The following STXBP2 variants were observed in gnomAD, a reference collection of about 807,000 sequenced individuals.
STXBP2 encodes the protein syntaxin binding protein 2.
In STXBP2, 47 loss-of-function variants were observed where a neutral mutation model predicts 72.2. The ratio of observed to expected loss-of-function variants is 0.65; its 90% confidence interval spans 0.51 to 0.83. The LOEUF (loss-of-function observed/expected upper bound fraction) is 0.83. Ranked by LOEUF, STXBP2 falls within the 40% of genes least tolerant of loss-of-function variation. The probability of loss-of-function intolerance (pLI) is 0.00; values close to 1 mark genes in which losing one functional copy is unlikely to be tolerated. For missense variants in STXBP2, 702 were observed against 807.6 expected (o/e 0.87, Z 1.58); for synonymous variants, 367 against 338.7 (o/e 1.08, Z -0.92).
rs1903399659 is a variant in STXBP2 at position 7,642,150 on chromosome 19, G to T, written c.663+32G>T. 6.2e-7 allele frequency: 1 copy of T among 1,614,024 alleles called. No homozygotes were observed. Among genetic ancestry groups the T allele is most frequent in the Non-Finnish European group, 8.5e-7 (1 of 1,179,962 alleles). Reference sequence around the variant, plus strand: ...GGGCGTGCTTGGGAGGTGAGGGGCAGCCCCAACCGGCTCAGGGTCAGTGCC... The same window carrying T: ...GGGCGTGCTTGGGAGGTGAGGGGCATCCCCAACCGGCTCAGGGTCAGTGCC... On this transcript the variant is annotated intron_variant, in intron 8 of 18. Transcript: ENST00000221283. The surrounding 1 kb of genome is among the most constrained non-coding windows in gnomAD (Gnocchi z 6.0).
At chr19:7,632,163 C>T, upstream of STXBP2, 1 of 684,436 alleles carries the variant, frequency 1.5e-6, no homozygotes, top group Non-Finnish European at 2.4e-6. This position sits in a 1 kb window ranked among gnomAD's most constrained non-coding sequence, Gnocchi z 5.2. Flanking sequence ...AACCTTCAGA[C>T]TTGGGGGCAG....
rs775179959 is a variant in STXBP2, at chr19:7,640,949, G to A, written c.375G>A (p.Lys125=). Residue 125 remains lysine (K), a synonymous_variant, in exon 6 of 19, where the codon AAG becomes AAA. Coordinates refer to ENST00000221283, the MANE Select transcript of STXBP2 (RefSeq NM_006949.4). ...AGCTAGGCCGCTCTCGTCTGGCAAAGGTGGTGAAGACGTTGAAGGAGATTC... is the reference window on the plus strand; with the variant it reads ...AGCTAGGCCGCTCTCGTCTGGCAAAAGTGGTGAAGACGTTGAAGGAGATTC... ...FSELGRSRLA[K]VVKTLKEIHL... 3 of 1,614,198 alleles carry A rather than the reference G, an allele frequency of 1.9e-6. No homozygotes were observed. In the South Asian group the frequency reaches 3.3e-5, roughly 18 times the overall value.
At chr19:7,646,132 C>G (rs1168964024) in intron 15 of STXBP2, 117 bp from the exon 16 acceptor site, 11 of 763,196 alleles carry the variant, frequency 1.4e-5, no homozygotes, top group South Asian at 9.5e-5. Context: ...GCTCTCTGTT[C>G]CACTTCCCCA....
At chr19:7,640,192 G>A (rs2031768239) in intron 4 of STXBP2, 4 of 554,036 alleles carry the variant, frequency 7.2e-6, no homozygotes, top group Non-Finnish European at 1.4e-5. Flanking sequence ...GTGTGCATGT[G>A]TGTATGCGTG....
chr19:7,643,847 AGAG>A (rs2032006188), intron 13 of STXBP2, among the ~76,000 whole-genome samples: 2 of 15,954 alleles, frequency 1.3e-4, no homozygotes, highest in African/African-American at 2.6e-4. Flanking sequence ...TGGAGCCTTA[AGAG>A]AGGTGGGACC....
chr19:7,646,851 G>A (rs1599407372), intron 16 of STXBP2: 4 of 513,466 alleles, frequency 7.8e-6, no homozygotes, highest in African/African-American at 5.7e-5. Context: ...AAAGGGCTGG[G>A]GGTATTGACT....
In STXBP2 at chr19:7,640,730, G is replaced by T; in HGVS notation, c.247-1G>T. On this transcript the variant is annotated splice_acceptor_variant, in intron 4 of 18. Coordinates refer to ENST00000221283, the MANE Select transcript of STXBP2 (RefSeq NM_006949.4). LOFTEE classifies it high-confidence loss of function. ...CCCAGAGAGTGATCCACCTTCCCCA[G>T]TCGGTTCAGGCCCTGATCAAAGACT... 4 of 1,614,192 alleles carry T rather than the reference G, an allele frequency of 2.5e-6. No individual in the cohort carries two copies. The highest frequency in any genetic ancestry group is 3.4e-6 in the Non-Finnish European group (4 of 1,180,004).
rs760304466 is a variant in STXBP2 at position 7,642,110 on chromosome 19, C to A, written c.655C>A (p.Leu219Met). The change falls in exon 8 of 19, where the codon CTG becomes ATG. Residue 219 changes from leucine to methionine, a missense_variant. Coordinates refer to ENST00000221283, the MANE Select transcript of STXBP2 (RefSeq NM_006949.4). This position sits in a 1 kb window ranked among gnomAD's most constrained non-coding sequence, Gnocchi z 6.0. ...CGCCTTCAAGGCAGACACTCCCAGT[C>A]TGGGCGAGGTGAGGGGGCGTGCTTG... ...LNAFKADTPS[L>M]GEGPEKTRSQ... 4 of 1,614,142 alleles carry A rather than the reference C, an allele frequency of 2.5e-6. No homozygotes were observed. The highest frequency in any genetic ancestry group is 3.4e-6 in the Non-Finnish European group (4 of 1,180,014).
At chr19:7,643,316 G>C in intron 13 of STXBP2, 71 bp downstream of exon 13, 7 of 1,366,782 alleles carry the variant, frequency 5.1e-6, no homozygotes, top group Non-Finnish European at 7.2e-6. Context: ...GGGCTGAACT[G>C]TAGAGATGGG....
intron 13 of STXBP2, among the ~76,000 whole-genome samples, chr19:7,644,050 T>C (rs377611307): frequency 6.1e-3 from 715 of 117,376 alleles, no homozygotes; most frequent in East Asian, 0.047. Context: ...GGTGGAGCCT[T>C]GGAGAGGTGG....
Position 7,642,406 on chromosome 19 carries a change from C to T in STXBP2, c.795-23C>T. On this transcript the variant is annotated intron_variant, in intron 9 of 18. Coordinates refer to ENST00000221283, the MANE Select transcript of STXBP2 (RefSeq NM_006949.4). The surrounding 1 kb of genome is among the most constrained non-coding windows in gnomAD (Gnocchi z 6.0). ...CCCAGTCCTCAGCTCCCCTGACCCC[C>T]AGGCTCCCTCCTTCCTCCCCAGGTA... The T allele has an allele frequency of 6.2e-7, 1 of 1,613,846 alleles. No individual in the cohort carries two copies. The highest frequency in any genetic ancestry group is 8.5e-7 in the Non-Finnish European group (1 of 1,179,868).
rs749948057 is a variant in STXBP2 at position 7,641,716 on chromosome 19, C to G, written c.441C>G (p.Leu147=). Residue 147 remains leucine (L), a synonymous_variant, in exon 7 of 19, where the codon CTC becomes CTG. Transcript: ENST00000221283. ...FLPYEAQVFS[L]DAPHSTYNLY... ...CCCTCCTCGCCCAGGTGTTCTCCCT[C>G]GATGCTCCCCACAGCACCTACAACC... 6.4e-7 allele frequency: 1 copy of G among 1,554,032 alleles called. No homozygotes were observed. The highest frequency in any genetic ancestry group is 8.7e-7 in the Non-Finnish European group (1 of 1,149,088).
chr19:7,635,636 C>T (rs1599384036), upstream of STXBP2, among the ~76,000 whole-genome samples: 1 of 152,076 alleles, frequency 6.6e-6, no homozygotes, highest in Middle Eastern at 3.2e-3. Context: ...GTCGAGGCTG[C>T]AGTGAGCTAT....
chr19:7,641,450 C>T (rs1054575483), intron 6 of STXBP2, among the ~76,000 whole-genome samples: 2 of 152,212 alleles, frequency 1.3e-5, no homozygotes, highest in Admixed American at 6.5e-5. Context: ...TTCTATCCCA[C>T]TAGGCCCTTG....
chr19:7,643,669 G>T (rs2031990239), intron 13 of STXBP2, among the ~76,000 whole-genome samples: 1 of 151,414 alleles, frequency 6.6e-6, no homozygotes, highest in Non-Finnish European at 1.5e-5. Context: ...GAGAGGAATG[G>T]AGCCTTGGAG....
the STXBP2 span, chr19:7,630,401 G>C: frequency 1.6e-6 from 1 of 615,334 alleles, no homozygotes; most frequent in Non-Finnish European, 2.9e-6. Flanking sequence ...GATTATAGGA[G>C]TTAGGTTTTA....
chr19:7,640,035 C>T (rs1047321191), intron 4 of STXBP2: 12 of 635,300 alleles, frequency 1.9e-5, no homozygotes, highest in African/African-American at 3.8e-5. Context: ...CATGTGTGTG[C>T]GTCTGTGTGT....
chr19:7,631,447 T>G, the STXBP2 span: 1 of 1,522,230 alleles, frequency 6.6e-7, no homozygotes, highest in Non-Finnish European at 8.8e-7. Flanking sequence ...CCCCCCTTCC[T>G]GTCCCACCCG....
chr19:7,641,900 C>T (rs767263925), intron 7 of STXBP2, 47 bp downstream of exon 7: 56 of 1,475,928 alleles, frequency 3.8e-5, no homozygotes, highest in Middle Eastern at 1.8e-4. Flanking sequence ...CCCCCTTAAC[C>T]GCGTGCAACA....
Sources: allele counts gnomAD v4.1 joint callset (sites outside exome capture counted in the v4.1 genomes callset), GRCh38; gene constraint gnomAD v4.1.1; non-coding constraint Gnocchi (gnomAD v3.1); transcripts MANE v1.5; gene names NCBI Gene and HGNC (gene_info 2026-07-23, HGNC 2026-07-21).